GNE: variants seen among roughly 807,000 people sequenced by gnomAD.
GNE encodes glucosamine (UDP-N-acetyl)-2-epimerase/N-acetylmannosamine kinase.
Under a neutral mutation model 61.8 loss-of-function variants are expected in GNE, and 41 were observed. The ratio of observed to expected loss-of-function variants is 0.66; its 90% CI spans 0.52 to 0.86. GNE has a LOEUF of 0.86. Among genes scored for constraint, GNE ranks in the 40% least tolerant of loss-of-function variants. The probability of loss-of-function intolerance (pLI) is 0.00; values close to 1 mark genes in which losing one functional copy is unlikely to be tolerated. For missense variants in GNE, 608 were observed against 909.1 expected (o/e 0.67, Z 4.26); for synonymous variants, 264 against 326.4 (o/e 0.81, Z 2.06).
At chr9:36,256,239 CTTTTTTTTTTTTTTTT>C (rs34215482) in intron 1 of GNE, among the ~76,000 whole-genome samples, 1 of 55,990 alleles carries the variant, frequency 1.8e-5, no homozygotes, top group Non-Finnish European at 3.4e-5. Flanking sequence ...AAACCCAATT[CTTTTTTTTTTTTTTTT>C]TTTTTTTTTT....
At chr9:36,256,239 CTTTTTTTTTTT>C (rs34215482) in intron 1 of GNE, among the ~76,000 whole-genome samples, 1 of 55,980 alleles carries the variant, frequency 1.8e-5, no homozygotes, top group Non-Finnish European at 3.4e-5. Flanking sequence ...AAACCCAATT[CTTTTTTTTTTT>C]TTTTTTTTTT....
chr9:36,225,078 T>G (rs888873839), intron 7 of GNE, among the ~76,000 whole-genome samples: 3 of 152,238 alleles, frequency 2.0e-5, no homozygotes, highest in Admixed American at 1.3e-4. Flanking sequence ...ATTATGTTGA[T>G]CTTATAAATC....
At chr9:36,252,788 T>C (rs1830160673) in intron 1 of GNE, among the ~76,000 whole-genome samples, 1 of 150,976 alleles carries the variant, frequency 6.6e-6, no homozygotes, top group South Asian at 2.1e-4. Flanking sequence ...ATAAGTCTTT[T>C]CATCTGTGTT....
intron 11 of GNE, among the ~76,000 whole-genome samples, chr9:36,217,890 T>C (rs985603607): frequency 8.5e-5 from 13 of 152,220 alleles, no homozygotes; most frequent in African/African-American, 2.4e-4. Flanking sequence ...ATGGGAAAAC[T>C]AAGTGATATT....
intron 3 of GNE, among the ~76,000 whole-genome samples, chr9:36,243,767 C>T (rs1299346690): frequency 6.6e-6 from 1 of 152,058 alleles, no homozygotes; most frequent in South Asian, 2.1e-4. Flanking sequence ...ATCACTTGAG[C>T]CCAGGAGGAC....
chr9:36,255,613 CAG>C (rs1830298189), intron 1 of GNE, among the ~76,000 whole-genome samples: 2 of 152,048 alleles, frequency 1.3e-5, no homozygotes, highest in South Asian at 4.1e-4. Context: ...GCCTGGGTGA[CAG>C]AGTGAGACCC....
At chr9:36,234,778 G>T (rs1829324310) in intron 4 of GNE, among the ~76,000 whole-genome samples, 1 of 152,132 alleles carries the variant, frequency 6.6e-6, no homozygotes, top group Non-Finnish European at 1.5e-5. Context: ...CTGGTTAGAA[G>T]GCAGAGGTCT....
At chr9:36,219,459 A>G (rs767832832) in intron 10 of GNE, among the ~76,000 whole-genome samples, 2 of 152,212 alleles carry the variant, frequency 1.3e-5, no homozygotes, top group African/African-American at 2.4e-5. Flanking sequence ...GTTTTTATGT[A>G]TGAAGCACAG....
At chr9:36,247,818 G>C (rs539017701) in intron 2 of GNE, among the ~76,000 whole-genome samples, 1 of 151,944 alleles carries the variant, frequency 6.6e-6, no homozygotes, top group South Asian at 2.1e-4. Flanking sequence ...CCTGAGGTTG[G>C]GAGTTTGAGA....
intron 1 of GNE, among the ~76,000 whole-genome samples, chr9:36,264,072 A>C (rs930697663): frequency 6.6e-6 from 1 of 152,130 alleles, no homozygotes; most frequent in East Asian, 1.9e-4. Context: ...TTGAATCCTG[A>C]ACAACTTTCT....
At chr9:36,227,762 G>A (rs1380122062) in intron 6 of GNE, among the ~76,000 whole-genome samples, 1 of 152,038 alleles carries the variant, frequency 6.6e-6, no homozygotes, top group Non-Finnish European at 1.5e-5. Flanking sequence ...TAGGCTGGGT[G>A]CAGTGGCTCA....
intron 1 of GNE, among the ~76,000 whole-genome samples, chr9:36,264,497 T>C (rs984065332): frequency 6.6e-6 from 1 of 152,110 alleles, no homozygotes; most frequent in African/African-American, 2.4e-5. Flanking sequence ...ACAGTAAAAC[T>C]GTGAGCCAGG....
intron 1 of GNE, among the ~76,000 whole-genome samples, chr9:36,249,942 T>C (rs1238910928): frequency 2.6e-5 from 4 of 151,716 alleles, no homozygotes; most frequent in Admixed American, 2.0e-4. Context: ...CCCCATCCTC[T>C]CACACTCAAG....
chr9:36,228,196 A>G (rs1828981404), intron 6 of GNE, among the ~76,000 whole-genome samples: 1 of 151,836 alleles, frequency 6.6e-6, no homozygotes, highest in Admixed American at 6.6e-5. Context: ...TACAGAACTA[A>G]AAAAATTTTA....
At position 36,246,404 on chromosome 9, in the gene GNE, C is replaced by G; in HGVS notation, c.243G>C (p.Glu81Asp). The G allele has an allele frequency of 6.2e-7, 1 of 1,613,848 alleles. No homozygotes were observed. The highest frequency in any genetic ancestry group is 8.5e-7 in the Non-Finnish European group (1 of 1,179,796). The stretch of plus-strand genomic sequence containing the variant: ...GGCCTACTGACTCCACCATGGCTGC[C>G]TCATCTTCTCCCCTCACAATTGTGT... ...RLHTIVRGED[E>D]AAMVESVGLA... The change falls in exon 3 of 12, where the codon GAG becomes GAC. Residue 81 changes from glutamate (E) to aspartate (D), a missense_variant. By Grantham distance (45) the Glu-to-Asp change is conservative. Coordinates refer to ENST00000642385, the MANE Select transcript of GNE (RefSeq NM_005476.7).
intron 1 of GNE, among the ~76,000 whole-genome samples, chr9:36,276,488 C>T (rs555995871): frequency 1.3e-5 from 2 of 152,170 alleles, no homozygotes; most frequent in South Asian, 4.2e-4. Context: ...AAAAGAAGTA[C>T]AAATCAGGCA....
chr9:36,222,137 G>A (rs1828613970), intron 9 of GNE, among the ~76,000 whole-genome samples: 2 of 152,062 alleles, frequency 1.3e-5, no homozygotes, highest in Admixed American at 6.6e-5. Context: ...AAAACATTTC[G>A]GCCGGGCGCG....
At chr9:36,259,196 A>C (rs1389771171), upstream of GNE, among the ~76,000 whole-genome samples, 5 of 152,214 alleles carry the variant, frequency 3.3e-5, no homozygotes, top group Admixed American at 3.3e-4. Flanking sequence ...CTGGGACTAC[A>C]GGACCATGCC....
intron 1 of GNE, among the ~76,000 whole-genome samples, chr9:36,252,342 G>A (rs771073885): frequency 6.6e-6 from 1 of 152,136 alleles, no homozygotes; most frequent in Non-Finnish European, 1.5e-5. Context: ...TGTCGTAAGT[G>A]TTCTTGTATA....
Sources: gnomAD v4.1 joint callset for allele counts (sites outside exome capture counted in the v4.1 genomes callset) on GRCh38, gnomAD v4.1.1 for gene constraint, MANE v1.5 for transcripts, NCBI Gene and HGNC (gene_info 2026-07-23, HGNC 2026-07-21) for gene names.